GPC5: variants seen among roughly 807,000 people sequenced by gnomAD.
GPC5 encodes glypican-5.
In GPC5, 47 loss-of-function variants were observed where a neutral mutation model predicts 53.9. The observed-to-expected ratio is 0.87, with a 90% CI of 0.69 to 1.11. The LOEUF is 1.11. GPC5 is among the 50% of genes most tolerant of loss of function. GPC5 has a pLI of 0.00. For missense variants in GPC5, 748 were observed against 713.1 expected, an observed-to-expected ratio of 1.05 and a Z score of -0.56; for synonymous variants, 286 against 263.3, an observed-to-expected ratio of 1.09 and a Z score of -0.84.
At chr13:91,990,918 C>T (rs188782595) in intron 6 of GPC5, among the ~76,000 whole-genome samples, 10 of 152,232 alleles carry the variant, frequency 6.6e-5, no homozygotes, top group South Asian at 6.2e-4. Flanking sequence ...TTAGATCTCC[C>T]CCAAGTGTAG....
At position 92,229,046 on chromosome 13, in the gene GPC5, A is replaced by G. The variant is rs534464388; in HGVS notation, c.1561+84057A>G. ...ATTTGCACAAGAAAGAAAAAGTGATAGACTATATGGCTCAGCAGTGAGCAG... is the reference window on the plus strand; with the variant it reads ...ATTTGCACAAGAAAGAAAAAGTGATGGACTATATGGCTCAGCAGTGAGCAG... On this transcript the variant is annotated intron_variant, in intron 7 of 7. Transcript: ENST00000377067. Among the ~76,000 whole-genome samples, 3 of 152,232 alleles carry G rather than the reference A, an allele frequency of 2.0e-5. No homozygotes were observed. In the South Asian group the frequency reaches 6.2e-4, roughly 32 times the overall value.
chr13:91,807,134 GT>G (rs1340160277), intron 5 of GPC5, among the ~76,000 whole-genome samples: 2 of 152,074 alleles, frequency 1.3e-5, no homozygotes, highest in African/African-American at 4.8e-5. Context: ...ATTAATCATA[GT>G]TTTGGGGAAC....
At chr13:91,603,046 A>G (rs183996971) in intron 2 of GPC5, among the ~76,000 whole-genome samples, 65 of 152,292 alleles carry the variant, frequency 4.3e-4, no homozygotes, top group Admixed American at 3.2e-3. Context: ...ACATTTTGGC[A>G]TGACTGGGGT....
intron 7 of GPC5, among the ~76,000 whole-genome samples, chr13:92,314,878 G>T (rs1028788447): frequency 1.3e-5 from 2 of 152,012 alleles, no homozygotes; most frequent in Non-Finnish European, 2.9e-5. Context: ...ATGCTCAAGC[G>T]ATTCTCCCAC....
rs183334125 is a variant in GPC5, at chr13:92,327,313, C to T, written c.1561+182324C>T. Among the ~76,000 whole-genome samples the T allele has an allele frequency of 9.9e-5, 15 of 152,260 alleles. 1 individual carries two copies. The East Asian group carries it at 2.9e-3, about 29-fold the overall frequency. On this transcript the variant is annotated intron_variant, in intron 7 of 7. Coordinates refer to ENST00000377067, the MANE Select transcript of GPC5 (RefSeq NM_004466.6). ...CAATTTATCTTTTGAAAACACTTTC[C>T]ACTGTAAAATACTTTCAACTCTTTT...
At chr13:92,029,267 AC>A (rs2040823132) in intron 6 of GPC5, among the ~76,000 whole-genome samples, 1 of 152,176 alleles carries the variant, frequency 6.6e-6, no homozygotes, top group Non-Finnish European at 1.5e-5. Context: ...TAGGTATGAA[AC>A]TTACAGAAAT....
intron 7 of GPC5, among the ~76,000 whole-genome samples, chr13:92,595,628 C>T (rs1883848767): frequency 6.6e-6 from 1 of 151,252 alleles, no homozygotes; most frequent in African/African-American, 2.4e-5. Flanking sequence ...ATTAGCCGGG[C>T]GTGGTGGCGG....
intron 3 of GPC5, among the ~76,000 whole-genome samples, chr13:91,701,318 A>G (rs1163990960): frequency 6.6e-6 from 1 of 152,096 alleles, no homozygotes; most frequent in African/African-American, 2.4e-5. Context: ...CTTTCTGTCT[A>G]ATTGAAACTT....
chr13:91,446,569 T>C (rs1453871888), intron 1 of GPC5, among the ~76,000 whole-genome samples: 4 of 152,218 alleles, frequency 2.6e-5, no homozygotes, highest in Admixed American at 6.5e-5. Context: ...TAATAGTATC[T>C]GGGTTCACTC....
intron 7 of GPC5, among the ~76,000 whole-genome samples, chr13:92,432,365 T>G (rs1877127320): frequency 6.8e-6 from 1 of 146,126 alleles, no homozygotes; most frequent in Admixed American, 6.8e-5. Context: ...GGGTTTTTTT[T>G]TTTTTTTTTT....
chr13:92,683,624 A>G (rs1887170272), intron 7 of GPC5, among the ~76,000 whole-genome samples: 1 of 152,226 alleles, frequency 6.6e-6, no homozygotes, highest in Non-Finnish European at 1.5e-5. Context: ...TTAATTTATA[A>G]TTACATTAAT....
intron 6 of GPC5, among the ~76,000 whole-genome samples, chr13:91,928,513 A>G (rs1307479768): frequency 1.3e-5 from 2 of 152,180 alleles, no homozygotes; most frequent in Non-Finnish European, 2.9e-5. Flanking sequence ...GCAGCCAACA[A>G]TTGGTCACAC....
intron 7 of GPC5, among the ~76,000 whole-genome samples, chr13:92,584,509 A>G (rs558495906): frequency 2.0e-5 from 3 of 152,322 alleles, no homozygotes; most frequent in Admixed American, 1.3e-4. Context: ...TGTTAAAGGC[A>G]CTCAGTTTTA....
chr13:92,664,930 A>G (rs1437169174), intron 7 of GPC5, among the ~76,000 whole-genome samples: 9 of 152,354 alleles, frequency 5.9e-5, no homozygotes, highest in South Asian at 2.1e-4. Flanking sequence ...GAGTTACATT[A>G]TAAAATGACC....
At chr13:92,823,018 C>G (rs1877725617) in intron 7 of GPC5, among the ~76,000 whole-genome samples, 1 of 151,918 alleles carries the variant, frequency 6.6e-6, no homozygotes, top group Non-Finnish European at 1.5e-5. Flanking sequence ...TACCAGGTCT[C>G]TTGGCATTTT....
At chr13:92,134,152 T>C (rs1026015252) in intron 6 of GPC5, among the ~76,000 whole-genome samples, 2 of 152,180 alleles carry the variant, frequency 1.3e-5, no homozygotes, top group African/African-American at 4.8e-5. Context: ...TGGCATATTT[T>C]GGAATTTATT....
intron 2 of GPC5, among the ~76,000 whole-genome samples, chr13:91,485,424 G>T (rs568927958): frequency 6.6e-6 from 1 of 152,056 alleles, no homozygotes; most frequent in African/African-American, 2.4e-5. Context: ...CAAAGTGTTG[G>T]CCAGGCTGGT....
intron 7 of GPC5, among the ~76,000 whole-genome samples, chr13:92,743,383 G>A (rs1027239169): frequency 1.3e-5 from 2 of 152,088 alleles, no homozygotes; most frequent in African/African-American, 4.8e-5. Context: ...TTGGCTCTCT[G>A]TTTGTCTGTT....
chr13:91,745,604 G>A (rs2037031659), intron 4 of GPC5, among the ~76,000 whole-genome samples: 1 of 151,916 alleles, frequency 6.6e-6, no homozygotes, highest in South Asian at 2.1e-4. Flanking sequence ...GGGAAAACCT[G>A]GAATGACTTA....
Sources: gnomAD v4.1 joint callset for allele counts (sites outside exome capture counted in the v4.1 genomes callset) on GRCh38, gnomAD v4.1.1 for gene constraint, MANE v1.5 for transcripts, NCBI Gene and HGNC (gene_info 2026-07-23, HGNC 2026-07-21) for gene names.